The following PTPN9 variants were observed in gnomAD, a reference collection of about 807,000 sequenced individuals.
PTPN9 encodes the protein protein tyrosine phosphatase non-receptor type 9.
A neutral mutation model predicts 69.8 loss-of-function variants in PTPN9; 26 were observed. The observed-to-expected ratio is 0.37, with a 90% CI of 0.27 to 0.52. The LOEUF is 0.52. Among genes scored for constraint, PTPN9 ranks in the 20% least tolerant of loss-of-function variants. The pLI is 0.91. For synonymous variants in PTPN9, 274 were observed against 272.5 expected (o/e 1.01, Z -0.05); for missense variants, 549 against 740.3 (o/e 0.74, Z 3.00).
intron 1 of PTPN9, among the ~76,000 whole-genome samples, chr15:75,533,734 C>A (rs2074972403): frequency 6.6e-6 from 1 of 152,136 alleles, no homozygotes; most frequent in Admixed American, 6.6e-5. Context: ...GCAGGGTACA[C>A]CCTGGACACA....
chr15:75,575,634 C>T (rs1048291454), intron 1 of PTPN9, among the ~76,000 whole-genome samples: 5 of 151,842 alleles, frequency 3.3e-5, no homozygotes, highest in Non-Finnish European at 7.4e-5. Flanking sequence ...TTAAGAGTAC[C>T]CTTGGCTGGG....
chr15:75,506,009 A>G lies in PTPN9; in HGVS notation c.640-6T>C. The stretch of plus-strand genomic sequence containing the variant: ...GATGTCTTTAATATTTGAATCTGGA[A>G]GGTTAGAAAGAACCATGTGAGTATG... On this transcript the variant is annotated splice_polypyrimidine_tract_variant and splice_region_variant and intron_variant, in intron 6 of 12. Coordinates refer to ENST00000618819, the MANE Select transcript of PTPN9 (RefSeq NM_002833.4). The G allele has an allele frequency of 1.9e-6, 3 of 1,597,198 alleles. No homozygotes were observed. The highest frequency in any genetic ancestry group is 2.6e-6 in the Non-Finnish European group (3 of 1,166,218).
intron 4 of PTPN9, among the ~76,000 whole-genome samples, chr15:75,521,114 T>C (rs991667426): frequency 6.6e-6 from 1 of 151,906 alleles, no homozygotes; most frequent in African/African-American, 2.4e-5. Flanking sequence ...CCTCCCAAAG[T>C]GTTGGGATTA....
At chr15:75,475,153 C>T (rs2074588909) in intron 9 of PTPN9, among the ~76,000 whole-genome samples, 1 of 152,178 alleles carries the variant, frequency 6.6e-6, no homozygotes, top group African/African-American at 2.4e-5. Context: ...AAACATGGTC[C>T]TAAGGACAAA....
chr15:75,516,225 T>C (rs963768934), intron 5 of PTPN9, among the ~76,000 whole-genome samples: 1 of 152,096 alleles, frequency 6.6e-6, no homozygotes, highest in Non-Finnish European at 1.5e-5. Context: ...TTTCAGATTT[T>C]AGAATATCTG....
At chr15:75,513,476 G>A (rs1471785172) in intron 5 of PTPN9, 3 of 449,768 alleles carry the variant, frequency 6.7e-6, no homozygotes, top group South Asian at 3.1e-5. Flanking sequence ...TTGAGAATCA[G>A]TCTTTTGAGG....
chr15:75,501,022 T>C (rs1047127920), intron 7 of PTPN9, among the ~76,000 whole-genome samples: 28 of 152,196 alleles, frequency 1.8e-4, no homozygotes, highest in African/African-American at 6.8e-4. Flanking sequence ...CTTGTTGATA[T>C]ATGGTCTGTG....
At chr15:75,506,026 G>GT (rs2074818070) in intron 6 of PTPN9, 23 bp from the exon 7 acceptor site, 1 of 1,554,058 alleles carries the variant, frequency 6.4e-7, no homozygotes, top group Non-Finnish European at 8.9e-7. Context: ...AAAGAACCAT[G>GT]TGAGTATGTG....
chr15:75,508,592 G>C (rs1177936957), intron 6 of PTPN9, among the ~76,000 whole-genome samples: 1 of 152,154 alleles, frequency 6.6e-6, no homozygotes, highest in East Asian at 1.9e-4. Context: ...TGCAGCACTA[G>C]GATAAATTTT....
At chr15:75,485,923 A>T (rs1231918298) in intron 8 of PTPN9, among the ~76,000 whole-genome samples, 2 of 150,778 alleles carry the variant, frequency 1.3e-5, no homozygotes, top group Non-Finnish European at 3.0e-5. Flanking sequence ...ACAAGGTGAA[A>T]CCCCATCTCT....
intron 7 of PTPN9, among the ~76,000 whole-genome samples, chr15:75,492,631 A>T (rs1163355978): frequency 2.0e-5 from 3 of 152,224 alleles, no homozygotes; most frequent in Non-Finnish European, 1.5e-5. Context: ...AGGTGAAAGA[A>T]TTCTGTCATT....
chr15:75,515,853 C>T (rs1256934473), intron 5 of PTPN9, among the ~76,000 whole-genome samples: 4 of 150,564 alleles, frequency 2.7e-5, no homozygotes, highest in Non-Finnish European at 5.9e-5. Flanking sequence ...GCCGACATCG[C>T]GCCACCGCAC....
intron 1 of PTPN9, among the ~76,000 whole-genome samples, chr15:75,540,988 A>C (rs2075005946): frequency 6.6e-6 from 1 of 151,990 alleles, no homozygotes; most frequent in African/African-American, 2.4e-5. Flanking sequence ...CTGAGGTAGG[A>C]GGATCACTTG....
rs374236060 is a variant in PTPN9, at chr15:75,522,400, G to GT, written c.422+720dup. ...TGTTTTGTGTGGGCTTTTTTGTGGG[G>GT]TTTTTTTTGAGACAGGTCTTGCTGT... On this transcript the variant is annotated intron_variant, in intron 4 of 12. Coordinates refer to ENST00000618819, the MANE Select transcript of PTPN9 (RefSeq NM_002833.4). 2.9e-3 allele frequency among the ~76,000 whole-genome samples: 439 copies of GT among 151,258 alleles called. 1 individual carries two copies. The highest frequency in any genetic ancestry group is 0.01 in the African/African-American group (412 of 41,120).
At chr15:75,530,717 AAT>A (rs1190146251) in intron 1 of PTPN9, among the ~76,000 whole-genome samples, 1 of 29,580 alleles carries the variant, frequency 3.4e-5, no homozygotes, top group Non-Finnish European at 4.7e-5. Context: ...ATTATTATAT[AAT>A]ATATATAATA....
chr15:75,568,674 GA>G (rs112208881), intron 1 of PTPN9, among the ~76,000 whole-genome samples: 85 of 138,844 alleles, frequency 6.1e-4, no homozygotes, highest in Admixed American at 9.5e-4. Flanking sequence ...CATCTCTTTA[GA>G]AAAAAAAAAA....
chr15:75,516,741 CTTTTTT>C lies in PTPN9; in HGVS notation c.528+512_528+517del, dbSNP rs34906409. On this transcript the variant is annotated intron_variant, in intron 5 of 12. Transcript: ENST00000618819. ...TTTTATGACTCAGAATGTTCCTGTG[CTTTTTT>C]TTTTTTTTTTTTTTTTGAGACACAG... Among the ~76,000 whole-genome samples the C allele has an allele frequency of 1.1e-3, 96 of 87,944 alleles. 1 individual carries two copies. Among genetic ancestry groups the C allele is most frequent in the Middle Eastern group, 9.4e-3 (1 of 106 alleles). 57.7% of individuals were successfully genotyped at this position (87,944 alleles called of 152,430 possible). A position where few individuals can be genotyped will look rare whatever the true frequency, so the allele number is the denominator to read the frequency against.
At chr15:75,473,250 AT>A (rs569963503) in intron 10 of PTPN9, among the ~76,000 whole-genome samples, 2,736 of 145,990 alleles carry the variant, frequency 0.019, 43 homozygotes, top group Middle Eastern at 0.05. Flanking sequence ...CTAATCCTCA[AT>A]TTTTTTTTTT....
chr15:75,538,580 C>T (rs777119914), intron 1 of PTPN9, among the ~76,000 whole-genome samples: 33 of 151,984 alleles, frequency 2.2e-4, no homozygotes, highest in Admixed American at 1.4e-3. Flanking sequence ...GCCTACAGTC[C>T]CACAAGTGGG....
Sources: gnomAD v4.1 joint callset for allele counts (sites outside exome capture counted in the v4.1 genomes callset) on GRCh38, gnomAD v4.1.1 for gene constraint, MANE v1.5 for transcripts, NCBI Gene and HGNC (gene_info 2026-07-23, HGNC 2026-07-21) for gene names.